The following PIBF1 variants were observed in gnomAD, a reference collection of about 807,000 sequenced individuals.
The protein encoded by PIBF1 is progesterone immunomodulatory binding factor 1, also known as progesterone-induced-blocking factor 1.
In PIBF1, 90 loss-of-function variants were observed where a neutral mutation model predicts 112.5. The observed-to-expected ratio is 0.80, with a 90% CI of 0.67 to 0.95. The LOEUF (loss-of-function observed/expected upper bound fraction) is 0.95. Among genes scored for constraint, PIBF1 ranks in the 40% least tolerant of loss-of-function variants. PIBF1 has a pLI of 0.00. For synonymous variants in PIBF1, 301 were observed against 288.6 expected, an observed-to-expected ratio of 1.04 and a Z score of -0.44; for missense variants, 915 against 852.3, an observed-to-expected ratio of 1.07 and a Z score of -0.92.
rs752879434 is a variant in PIBF1, at chr13:72,792,487, A to G, written c.293A>G (p.Gln98Arg). The G allele has an allele frequency of 1.3e-6, 2 of 1,580,264 alleles. No individual in the cohort carries two copies. Among genetic ancestry groups the G allele is most frequent in the Admixed American group, 1.9e-5 (1 of 52,908 alleles). The change falls in exon 3 of 18, where the codon CAG becomes CGG. Residue 98 changes from glutamine to arginine, a missense_variant. Physicochemically the swap from Gln to Arg is conservative, Grantham distance 43. Transcript: ENST00000326291. The part of the protein sequence containing the change: ...LEEKLNDALH[Q>R]KQLLTLRLDN... ...GAGAAACTTAATGATGCACTTCACC[A>G]GAAGCAGCTACTAACATTGAGATTA...
chr13:72,868,775 C>T (rs941921493), intron 10 of PIBF1, among the ~76,000 whole-genome samples: 2 of 141,928 alleles, frequency 1.4e-5, no homozygotes, highest in African/African-American at 5.3e-5. Context: ...CTAGAGGCTA[C>T]GAGTTTGAAA....
At chr13:72,897,041 G>A (rs918170105) in intron 11 of PIBF1, among the ~76,000 whole-genome samples, 18 of 152,190 alleles carry the variant, frequency 1.2e-4, no homozygotes, top group Non-Finnish European at 2.6e-4. Flanking sequence ...CTTAAGAGCT[G>A]TGAGACAGAA....
chr13:72,978,155 C>T (rs2043069815), intron 16 of PIBF1, among the ~76,000 whole-genome samples: 1 of 152,158 alleles, frequency 6.6e-6, no homozygotes, highest in Non-Finnish European at 1.5e-5. Context: ...AATATCTCTC[C>T]TCACAGAATT....
chr13:72,894,111 C>T (rs532792251), intron 11 of PIBF1, among the ~76,000 whole-genome samples, 162 bp downstream of exon 11: 1 of 132,606 alleles, frequency 7.5e-6, no homozygotes, highest in South Asian at 2.5e-4. Flanking sequence ...AAGATGTATA[C>T]TGAAAAGGAC....
intron 3 of PIBF1, among the ~76,000 whole-genome samples, chr13:72,794,708 C>T (rs758151474): frequency 2.0e-5 from 3 of 152,272 alleles, no homozygotes; most frequent in African/African-American, 4.8e-5. Context: ...TTTTGCCTTC[C>T]GCCATGATTG....
intron 14 of PIBF1, among the ~76,000 whole-genome samples, chr13:72,962,237 A>C (rs2042625180): frequency 6.6e-6 from 1 of 152,184 alleles, no homozygotes; most frequent in South Asian, 2.1e-4. Context: ...CACAAAATAA[A>C]ATTGTATATA....
intron 11 of PIBF1, among the ~76,000 whole-genome samples, chr13:72,895,738 G>GAATTTTAGCTCCAGATTGTA (rs2040256652): frequency 6.6e-6 from 1 of 152,164 alleles, no homozygotes; most frequent in Non-Finnish European, 1.5e-5. Flanking sequence ...TCCAGATTGT[G>GAATTTTAGCTCCAGATTGTA]AATTTTAGCT....
intron 10 of PIBF1, among the ~76,000 whole-genome samples, chr13:72,869,202 A>G (rs568487639): frequency 1.2e-4 from 19 of 152,302 alleles, no homozygotes; most frequent in African/African-American, 4.6e-4. Context: ...AATAGCAAAG[A>G]CTTGGAACCA....
At chr13:72,813,290 A>G (rs1268009516) in intron 5 of PIBF1, among the ~76,000 whole-genome samples, 3 of 152,170 alleles carry the variant, frequency 2.0e-5, no homozygotes, top group Non-Finnish European at 4.4e-5. Context: ...AATGCATGTC[A>G]TTTTTCCTTT....
chr13:72,878,248 T>A (rs1049130222), intron 10 of PIBF1, among the ~76,000 whole-genome samples: 3 of 152,154 alleles, frequency 2.0e-5, no homozygotes, highest in Admixed American at 6.5e-5. Context: ...GATAGAAGTT[T>A]AGATGATTGA....
intron 14 of PIBF1, among the ~76,000 whole-genome samples, chr13:72,937,228 A>G (rs958800724): frequency 6.6e-5 from 10 of 151,662 alleles, no homozygotes; most frequent in Non-Finnish European, 1.3e-4. Context: ...TCTACTTTTT[A>G]TTCACTTTAT....
intron 5 of PIBF1, among the ~76,000 whole-genome samples, chr13:72,811,205 G>T (rs1593946361): frequency 1.3e-5 from 2 of 152,152 alleles, no homozygotes; most frequent in African/African-American, 4.8e-5. Context: ...AATGTGGCGG[G>T]TTCATGGACA....
intron 17 of PIBF1, among the ~76,000 whole-genome samples, chr13:73,007,770 T>C (rs909337053): frequency 6.6e-6 from 1 of 150,466 alleles, no homozygotes; most frequent in Admixed American, 6.7e-5. Flanking sequence ...GATCGCACTG[T>C]TGCACTCCAG....
chr13:72,797,112 A>G (rs1055022991), intron 4 of PIBF1, among the ~76,000 whole-genome samples: 12 of 152,142 alleles, frequency 7.9e-5, no homozygotes, highest in African/African-American at 2.9e-4. Flanking sequence ...GGAAAGAGAG[A>G]CCTGAACTAA....
chr13:72,886,497 C>A (rs925262389), intron 10 of PIBF1, among the ~76,000 whole-genome samples: 1 of 151,304 alleles, frequency 6.6e-6, no homozygotes, highest in Non-Finnish European at 1.5e-5. Flanking sequence ...TTATCTCATA[C>A]ATGCTTTTAT....
chr13:73,003,735 G>A (rs568179893), intron 17 of PIBF1, among the ~76,000 whole-genome samples: 1 of 152,014 alleles, frequency 6.6e-6, no homozygotes, highest in Non-Finnish European at 1.5e-5. Context: ...TTTGAGACAC[G>A]GTCTTGCTCT....
Position 72,847,061 on chromosome 13 carries a change from A to G in PIBF1, c.1224-6996A>G, listed in dbSNP as rs554295741. Among the ~76,000 whole-genome samples, 17 of 152,356 alleles carry G rather than the reference A, an allele frequency of 1.1e-4. No homozygotes were observed. The East Asian group carries it at 1.5e-3, about 14-fold the overall frequency. ...ATATATAGTAGTTACTCAGTTAACC[A>G]TCTACCAGATTCATTCTGTTTCATT... On this transcript the variant is annotated intron_variant, in intron 9 of 17. Transcript: ENST00000326291.
chr13:72,917,078 GA>G lies in PIBF1; in HGVS notation c.1646del (p.Asn549MetfsTer26). On this transcript the variant is annotated frameshift_variant, in exon 13 of 18. Coordinates refer to ENST00000326291, the MANE Select transcript of PIBF1 (RefSeq NM_006346.4). LOFTEE classifies it high-confidence loss of function. ...DEIIMQTAEI[E>X]NEDEAERVLF... ...TTATACACTTTAATATTTTCCAGTT[GA>G]AAATGAAGATGAGGCTGAAAGGGTT... 1 of 1,572,690 alleles carries G rather than the reference GA, an allele frequency of 6.4e-7. No homozygotes were observed.
At chr13:72,799,870 A>T (rs1232489977) in intron 5 of PIBF1, among the ~76,000 whole-genome samples, 1 of 152,134 alleles carries the variant, frequency 6.6e-6, no homozygotes, top group Non-Finnish European at 1.5e-5. Context: ...AATAACCTTA[A>T]TATTTGGGAC....
Sources: gnomAD v4.1 joint callset for allele counts (sites outside exome capture counted in the v4.1 genomes callset) on GRCh38, gnomAD v4.1.1 for gene constraint, MANE v1.5 for transcripts, NCBI Gene and HGNC (gene_info 2026-07-23, HGNC 2026-07-21) for gene names.